The following NF1 variants were observed in gnomAD, a reference collection of about 807,000 sequenced individuals.
NF1 encodes the protein neurofibromin 1.
NF1 carries 122 observed loss-of-function variants against 325.7 expected under a neutral mutation model. The ratio of observed to expected loss-of-function variants is 0.37; its 90% CI spans 0.32 to 0.44. NF1 has a LOEUF of 0.44. Ranked by LOEUF, NF1 falls within the 20% of genes least tolerant of loss-of-function variation. The probability of loss-of-function intolerance (pLI) is 1.00; values close to 1 mark genes in which losing one functional copy is unlikely to be tolerated. For missense variants in NF1, 2,140 were observed against 3,415.4 expected, an observed-to-expected ratio of 0.63 and a Z score of 9.31; for synonymous variants, 1,091 against 1,186.0, an observed-to-expected ratio of 0.92 and a Z score of 1.65.
chr17:31,242,332 T>TTTTTTTTTTG, intron 29 of NF1, among the ~76,000 whole-genome samples: 1 of 142,708 alleles, frequency 7.0e-6, no homozygotes, highest in Non-Finnish European at 1.5e-5. Context: ...TTTTTTTTTT[T>TTTTTTTTTTG]GAGATGGAGG....
chr17:31,134,519 A>C (rs1915616174), intron 1 of NF1, among the ~76,000 whole-genome samples: 1 of 152,232 alleles, frequency 6.6e-6, no homozygotes, highest in African/African-American at 2.4e-5. Context: ...TTTGTACAAC[A>C]AACATTTATT....
intron 36 of NF1, among the ~76,000 whole-genome samples, chr17:31,282,243 G>A (rs1391877037): frequency 2.6e-5 from 4 of 151,760 alleles, no homozygotes; most frequent in East Asian, 3.9e-4. Context: ...TCAGCTGGGC[G>A]CGGTGGCAGG....
Position 31,352,261 on chromosome 17 carries a change from C to G in NF1, c.7462C>G (p.Leu2488Val), listed in dbSNP as rs876660345. Residue 2488 changes from leucine to valine, a missense_variant, in exon 51 of 58, where the codon CTA becomes GTA. Transcript: ENST00000358273. ...TCTATTGTTTTCATCTTTCAGGACA[C>G]TAAAGGAGACTCAGCCATGGTCCTC... The part of the protein sequence containing the change: ...IHHGDPSYRT[L>V]KETQPWSSPK... 6.2e-7 allele frequency: 1 copy of G among 1,613,934 alleles called. No homozygotes were observed.
At chr17:31,345,122 TAAAAG>T (rs1056215074) in intron 48 of NF1, among the ~76,000 whole-genome samples, 6 of 152,210 alleles carry the variant, frequency 3.9e-5, no homozygotes, top group African/African-American at 1.2e-4. Context: ...CACTCTGTCT[TAAAAG>T]ACAAGAAAAG....
chr17:31,151,132 A>C (rs1916914035), intron 1 of NF1, among the ~76,000 whole-genome samples: 1 of 152,190 alleles, frequency 6.6e-6, no homozygotes, highest in South Asian at 2.1e-4. Context: ...GTCCCTCAGT[A>C]TTATAATATG....
chr17:31,164,053 C>A (rs1297783388), intron 4 of NF1, among the ~76,000 whole-genome samples: 1 of 152,142 alleles, frequency 6.6e-6, no homozygotes, highest in Non-Finnish European at 1.5e-5. Flanking sequence ...TCACAGTAAC[C>A]TTGATGATAC....
At position 31,360,627 on chromosome 17, in the gene NF1, G is replaced by C. The variant is rs1597870264; in HGVS notation, c.8301G>C (p.Gln2767His). The C allele has an allele frequency of 6.2e-7, 1 of 1,614,094 alleles. No individual in the cohort carries two copies. Residue 2767 changes from glutamine to histidine, a missense_variant, in exon 57 of 58, where the codon CAG becomes CAC. By Grantham distance (24) the Gln-to-His change is conservative. Coordinates refer to ENST00000358273, the MANE Select transcript of NF1 (RefSeq NM_001042492.3). ...TPTSPYPPALQSQLSITANLN... is the reference protein window; with the variant it reads ...TPTSPYPPALHSQLSITANLN... ...CATCTCCTTACCCTCCTGCACTGCA[G>C]AGCCAGCTTAGTATCACTGCCAACC...
intron 29 of NF1, among the ~76,000 whole-genome samples, chr17:31,243,184 C>CTCTGTGTGTGTGTGTGTGTGTGTG (rs1555616439): frequency 7.3e-6 from 1 of 137,476 alleles, no homozygotes; most frequent in South Asian, 2.3e-4. Context: ...CTCTCTCTGT[C>CTCTGTGTGTGTGTGTGTGTGTGTG]TGTGTGTGTG....
At chr17:31,304,782 T>C in intron 36 of NF1, 2 of 1,614,096 alleles carry the variant, frequency 1.2e-6, no homozygotes, top group Non-Finnish European at 1.7e-6. Context: ...TTTTGCTTGG[T>C]TTCCAGGGTG....
chr17:31,249,995 T>C (rs1211937486), intron 30 of NF1: 2 of 495,302 alleles, frequency 4.0e-6, no homozygotes, highest in Admixed American at 4.6e-5. Context: ...ACGGCTTCAG[T>C]TGCTTAGAGA....
intron 51 of NF1, among the ~76,000 whole-genome samples, chr17:31,353,182 T>G (rs1486074523): frequency 2.0e-5 from 3 of 152,172 alleles, no homozygotes; most frequent in African/African-American, 7.2e-5. Context: ...GTGCTGAGAT[T>G]ACAGGCATGA....
Position 31,095,068 on chromosome 17 carries a change from CT to C in NF1, c.-241del. ...GAGAGCGACCAAGAGGCCCCCTCCCCTCCCCGGGTCCCCTTCCCCTATCCCC... is the reference window on the plus strand; with the variant it reads ...GAGAGCGACCAAGAGGCCCCCTCCCCCCCCGGGTCCCCTTCCCCTATCCCC... On this transcript the variant is annotated 5_prime_UTR_variant, in exon 1 of 58. Transcript: ENST00000358273. 6.4e-6 allele frequency: 3 copies of C among 466,580 alleles called. No individual in the cohort carries two copies. The highest frequency in any genetic ancestry group is 8.8e-5 in the South Asian group (2 of 22,668). 28.9% of individuals were successfully genotyped at this position (466,580 alleles called of 1,614,324 possible).
intron 1 of NF1, among the ~76,000 whole-genome samples, chr17:31,138,996 A>G (rs1430336331): frequency 6.6e-6 from 1 of 152,050 alleles, no homozygotes; most frequent in East Asian, 1.9e-4. Flanking sequence ...TCATGTTAAT[A>G]AGGTTTCCTT....
chr17:31,360,362 AATG>A, intron 56 of NF1, 122 bp from the exon 57 acceptor site: 1 of 794,606 alleles, frequency 1.3e-6, no homozygotes, highest in Non-Finnish European at 2.1e-6. Context: ...CCCCTTTTTT[AATG>A]ATAAGTAATA....
At chr17:31,188,730 A>G (rs1033148329) in intron 8 of NF1, among the ~76,000 whole-genome samples, 14 of 152,116 alleles carry the variant, frequency 9.2e-5, no homozygotes, top group Non-Finnish European at 2.1e-4. Context: ...GCTACCATCT[A>G]ATCAGCTGCC....
chr17:31,350,206 G>T lies in NF1; in HGVS notation c.7345G>T (p.Val2449Phe). The change falls in exon 50 of 58, where the codon GTT (valine) becomes TTT (phenylalanine). Residue 2449 changes from valine (V) to phenylalanine (F), a missense_variant. Physicochemically the swap from Val to Phe is conservative, Grantham distance 50 (BLOSUM62 -1). This residue lies in a region of NF1 where 522 missense variants were observed against 749.0 expected (regional missense o/e 0.70). Coordinates refer to ENST00000358273, the MANE Select transcript of NF1 (RefSeq NM_001042492.3). ...AGCTTTACTTACAGTGTCTGAAGAA[G>T]TTCGAAGTCGCTGCAGCCTAAAACA... is the stretch of plus-strand genomic sequence containing the variant. ...LAALLTVSEE[V>F]RSRCSLKHRK... The T allele has an allele frequency of 6.2e-7, 1 of 1,613,958 alleles. No homozygotes were observed. The highest frequency in any genetic ancestry group is 8.5e-7 in the Non-Finnish European group (1 of 1,179,884).
intron 25 of NF1, 131 bp from the exon 26 acceptor site, chr17:31,232,569 C>A: frequency 1.2e-6 from 1 of 866,220 alleles, no homozygotes; most frequent in Non-Finnish European, 1.9e-6. Flanking sequence ...GGCTGATTAT[C>A]GCGAGAGAGG....
chr17:31,313,419 T>G (rs544685448), intron 36 of NF1, among the ~76,000 whole-genome samples: 1 of 152,234 alleles, frequency 6.6e-6, no homozygotes, highest in East Asian at 1.9e-4. Flanking sequence ...CAAATATGAT[T>G]GTGGCTGGGA....
intron 1 of NF1, among the ~76,000 whole-genome samples, chr17:31,100,804 G>A (rs1296197252): frequency 6.6e-6 from 1 of 152,070 alleles, no homozygotes; most frequent in Non-Finnish European, 1.5e-5. Flanking sequence ...TCTTGATGTC[G>A]TGATCCACCT....
Sources: gnomAD v4.1 joint callset for allele counts (sites outside exome capture counted in the v4.1 genomes callset) on GRCh38, gnomAD v4.1.1 for gene constraint, gnomAD v4.1.1 regional missense constraint, MANE v1.5 for transcripts, NCBI Gene and HGNC (gene_info 2026-07-23, HGNC 2026-07-21) for gene names.